PCNT: variants seen among roughly 807,000 people sequenced by gnomAD.
PCNT encodes the protein kendrin.
PCNT carries 319 observed loss-of-function variants against 380.4 expected under a neutral mutation model. The ratio of observed to expected loss-of-function variants is 0.84; its 90% confidence interval spans 0.77 to 0.92. PCNT has a LOEUF of 0.92. Ranked by LOEUF, PCNT falls within the 40% of genes least tolerant of loss-of-function variation. The pLI is 0.00. For missense variants in PCNT, 4,400 were observed against 4,255.3 expected (o/e 1.03, Z -0.95); for synonymous variants, 1,845 against 1,735.2 (o/e 1.06, Z -1.57).
At position 46,377,579 on chromosome 21, in the gene PCNT, A is replaced by G. The variant is rs554489355; in HGVS notation, c.3166-4115A>G. 4.6e-5 allele frequency among the ~76,000 whole-genome samples: 7 copies of G among 152,298 alleles called. No homozygotes were observed. The South Asian group carries it at 1.4e-3, about 32-fold the overall frequency. The stretch of plus-strand genomic sequence containing the variant: ...TTATTCTAAAATATTTCATCACCTC[A>G]AAAAGAAACCCCCAGTGGCTCGTGC... On this transcript the variant is annotated intron_variant, in intron 15 of 46. Transcript: ENST00000359568.
intron 17 of PCNT, among the ~76,000 whole-genome samples, chr21:46,386,863 C>T (rs1412273366): frequency 1.3e-5 from 2 of 152,186 alleles, no homozygotes; most frequent in African/African-American, 4.8e-5. Context: ...TGGTGCGCGT[C>T]CTCCCCGTCC....
chr21:46,407,804 T>C (rs894476705), intron 27 of PCNT, among the ~76,000 whole-genome samples: 2 of 152,180 alleles, frequency 1.3e-5, no homozygotes, highest in South Asian at 2.1e-4. Context: ...AGTTTATCCA[T>C]GTTGTCAGTG....
chr21:46,392,254 T>A (rs1010042928), intron 21 of PCNT, among the ~76,000 whole-genome samples: 1 of 152,150 alleles, frequency 6.6e-6, no homozygotes, highest in East Asian at 1.9e-4. Flanking sequence ...GGAGTCTCGC[T>A]GTGTCCCCAG....
intron 22 of PCNT, 23 bp from the exon 23 acceptor site, chr21:46,397,991 C>T (rs747897914): frequency 1.5e-5 from 23 of 1,555,630 alleles, no homozygotes; most frequent in Non-Finnish European, 5.2e-6. Flanking sequence ...GGGGTGGTCC[C>T]AACACGCTGC....
intron 13 of PCNT, among the ~76,000 whole-genome samples, chr21:46,360,788 G>T (rs1431341352): frequency 6.6e-6 from 1 of 152,106 alleles, no homozygotes; most frequent in Non-Finnish European, 1.5e-5. Context: ...AAAGTGCTGG[G>T]ATTACAGGCG....
chr21:46,443,008 T>G (rs1013185461), intron 44 of PCNT: 1 of 248,244 alleles, frequency 4.0e-6, no homozygotes, highest in Non-Finnish European at 8.0e-6. Flanking sequence ...GCTGCACTAG[T>G]GCTGAAGGAG....
chr21:46,437,826 T>G (rs188687371), intron 40 of PCNT, among the ~76,000 whole-genome samples: 24 of 152,314 alleles, frequency 1.6e-4, no homozygotes, highest in East Asian at 7.7e-4. Flanking sequence ...AGGCTGAACG[T>G]CCTTTTGATG....
intron 30 of PCNT, 129 bp from the exon 31 acceptor site, chr21:46,418,074 GT>G: frequency 3.0e-6 from 2 of 675,030 alleles, no homozygotes; most frequent in Non-Finnish European, 5.4e-6. Flanking sequence ...GTGTTCACCA[GT>G]TTTGAGTTGT....
intron 41 of PCNT, 136 bp from the exon 42 acceptor site, chr21:46,439,944 TGAG>T: frequency 3.1e-6 from 3 of 967,444 alleles, no homozygotes; most frequent in East Asian, 4.8e-5. Flanking sequence ...GTGCTGAAGT[TGAG>T]GAGGGGCCAG....
chr21:46,396,248 G>A lies in PCNT; in HGVS notation c.4217-1017G>A, dbSNP rs76878455. ...TGGAAGAGAATTTTTGAGGCTAGGC[G>A]ATTTATCACAGACACACGTTTGTGA... is the stretch of plus-strand genomic sequence containing the variant. On this transcript the variant is annotated intron_variant, in intron 21 of 46. Coordinates refer to ENST00000359568, the MANE Select transcript of PCNT (RefSeq NM_006031.6). Among the ~76,000 whole-genome samples, 902 of 152,318 alleles carry A rather than the reference G, an allele frequency of 5.9e-3. 8 individuals carry two copies. Among genetic ancestry groups the A allele is most frequent in the Middle Eastern group, 0.017 (5 of 294 alleles).
chr21:46,439,877 T>A (rs544369961), intron 41 of PCNT, among the ~76,000 whole-genome samples: 3 of 152,354 alleles, frequency 2.0e-5, no homozygotes, highest in South Asian at 2.1e-4. Flanking sequence ...TCGTAATTAC[T>A]CCATGTTAAT....
At position 46,431,830 on chromosome 21, in the gene PCNT, C is replaced by T; in HGVS notation, c.8366C>T (p.Ala2789Val). ...CACCAGGACACACAGGCCCATCACG[C>T]TCTGCTGCAGAAGCTGAAGGAGGAG... ...CVHQDTQAHH[A>V]LLQKLKEEKS... is the part of the protein sequence containing the mutation. The change falls in exon 38 of 47, where the codon GCT (alanine) becomes GTT (valine). Residue 2789 changes from alanine (A) to valine (V), a missense_variant. Transcript: ENST00000359568. The T allele has an allele frequency of 2.5e-6, 4 of 1,613,930 alleles. No individual in the cohort carries two copies. The African/African-American group carries it at 4.0e-5, about 16-fold the overall frequency.
chr21:46,324,417 C>A, intron 1 of PCNT, 135 bp downstream of exon 1: 1 of 804,526 alleles, frequency 1.2e-6, no homozygotes, highest in Admixed American at 2.1e-5. Flanking sequence ...TTTTTCCCGC[C>A]GGCTCCGCTG....
intron 43 of PCNT, among the ~76,000 whole-genome samples, chr21:46,441,561 A>C (rs776763224): frequency 6.6e-6 from 1 of 152,036 alleles, no homozygotes; most frequent in Non-Finnish European, 1.5e-5. Context: ...GGCTGGGCCA[A>C]AGTGGGGTGC....
At chr21:46,426,072 T>C in intron 33 of PCNT, 101 bp downstream of exon 33, 73 of 787,948 alleles carry the variant, frequency 9.3e-5, no homozygotes, top group Non-Finnish European at 1.1e-4. Context: ...TTTCTTTCTT[T>C]TTTTTTTTTT....
chr21:46,359,399 C>T (rs368223436), intron 13 of PCNT, among the ~76,000 whole-genome samples: 4 of 143,776 alleles, frequency 2.8e-5, no homozygotes, highest in South Asian at 2.2e-4. Context: ...TGTTGTTACA[C>T]GTGTACACAT....
chr21:46,351,536 G>C lies in PCNT; in HGVS notation c.1452G>C (p.Leu484Phe). Residue 484 changes from leucine (L) to phenylalanine (F), a missense_variant, in exon 9 of 47, where the codon TTG (leucine) becomes TTC (phenylalanine). Coordinates refer to ENST00000359568, the MANE Select transcript of PCNT (RefSeq NM_006031.6). The part of the protein sequence containing the change: ...LDSARTSRQE[L>F]SELHEQLLAR... Reference sequence around the variant, plus strand: ...CTGCCAGGACCAGTAGACAGGAATTGAGTGGTGAGGAATTGTATTGGAAAA... The same window carrying C: ...CTGCCAGGACCAGTAGACAGGAATTCAGTGGTGAGGAATTGTATTGGAAAA... The C allele has an allele frequency of 6.4e-7, 1 of 1,563,482 alleles. No homozygotes were observed. The highest frequency in any genetic ancestry group is 8.8e-7 in the Non-Finnish European group (1 of 1,133,738).
chr21:46,360,678 C>T (rs2084681052), intron 13 of PCNT, among the ~76,000 whole-genome samples: 1 of 151,984 alleles, frequency 6.6e-6, no homozygotes, highest in African/African-American at 2.4e-5. Flanking sequence ...GCCACCACAC[C>T]CAGCTAATTT....
rs1183113271 is a variant in PCNT at position 46,399,573 on chromosome 21, AT to A, written c.4585-11del. On this transcript the variant is annotated splice_polypyrimidine_tract_variant and intron_variant, in intron 24 of 46. Coordinates refer to ENST00000359568, the MANE Select transcript of PCNT (RefSeq NM_006031.6). ...AAACATTCTATTGTATTCCTCAAGC[AT>A]TTTTTGTTGTTTTAGGTTGAGTTGT... 4.4e-6 allele frequency: 7 copies of A among 1,580,704 alleles called. No homozygotes were observed. Among genetic ancestry groups the A allele is most frequent in the South Asian group, 1.1e-5 (1 of 90,168 alleles).
Sources: allele counts gnomAD v4.1 joint callset (sites outside exome capture counted in the v4.1 genomes callset), GRCh38; gene constraint gnomAD v4.1.1; transcripts MANE v1.5; gene names NCBI Gene and HGNC (gene_info 2026-07-23, HGNC 2026-07-21).